MANEA: variants seen among roughly 807,000 people sequenced by gnomAD.
MANEA encodes glycoprotein endo-alpha-1,2-mannosidase.
MANEA carries 25 observed loss-of-function variants against 36.8 expected under a neutral mutation model. That is an observed-to-expected ratio of 0.68 (90% confidence interval 0.50 to 0.95). The LOEUF (loss-of-function observed/expected upper bound fraction) is 0.95, where lower values mean the gene tolerates loss of function less well. Ranked by LOEUF, MANEA falls within the 40% of genes least tolerant of loss-of-function variation. The probability of loss-of-function intolerance (pLI) is 0.00; values close to 1 mark genes in which losing one functional copy is unlikely to be tolerated. For missense variants in MANEA, 565 were observed against 558.8 expected (o/e 1.01, Z -0.11); for synonymous variants, 198 against 188.5 (o/e 1.05, Z -0.41).
At chr6:95,578,020 G>A (rs1053228552) in intron 1 of MANEA, among the ~76,000 whole-genome samples, 3 of 152,138 alleles carry the variant, frequency 2.0e-5, no homozygotes, top group African/African-American at 7.2e-5. Flanking sequence ...GCCTTTTTCA[G>A]CACCTTCTCC....
rs1769720081 is a variant in MANEA at position 95,606,606 on chromosome 6, A to G, written c.*201A>G. On this transcript the variant is annotated 3_prime_UTR_variant, in exon 5 of 5. Coordinates refer to ENST00000358812, the MANE Select transcript of MANEA (RefSeq NM_024641.4). Reference sequence around the variant, plus strand: ...TGAGAAAATATCTGAGACAAAATGTATACAAATATATTCCTTATGGCATAA... The same window carrying G: ...TGAGAAAATATCTGAGACAAAATGTGTACAAATATATTCCTTATGGCATAA... The G allele has an allele frequency of 6.6e-6, 2 of 301,570 alleles. No homozygotes were observed. The highest frequency in any genetic ancestry group is 2.2e-5 in the African/African-American group (1 of 46,120). 18.7% of individuals were successfully genotyped at this position (301,570 alleles called of 1,614,324 possible).
At chr6:95,585,011 G>T (rs1769254660) in intron 1 of MANEA, among the ~76,000 whole-genome samples, 1 of 152,060 alleles carries the variant, frequency 6.6e-6, no homozygotes, top group South Asian at 2.1e-4. Context: ...CCGTATCATA[G>T]AACTCATTTT....
chr6:95,586,694 TTCCAAAGCC>T lies in MANEA; in HGVS notation c.258_266del (p.Lys87_Ser89del). ...AAAGTGTTGAAATCACTATGAAACC[TTCCAAAGCC>T]TCTGAACTTAACTTGGATGAACTAC... On this transcript the variant is annotated inframe_deletion, in exon 2 of 5. Coordinates refer to ENST00000358812, the MANE Select transcript of MANEA (RefSeq NM_024641.4). 6.2e-7 allele frequency: 1 copy of T among 1,614,046 alleles called. No individual in the cohort carries two copies.
chr6:95,580,534 G>A (rs559575279), intron 1 of MANEA, among the ~76,000 whole-genome samples: 6 of 151,990 alleles, frequency 3.9e-5, no homozygotes, highest in African/African-American at 1.4e-4. Flanking sequence ...GACCATCCTG[G>A]CTAACACGGT....
intron 3 of MANEA, among the ~76,000 whole-genome samples, chr6:95,599,197 T>C (rs145150160): frequency 1.3e-5 from 2 of 152,310 alleles, no homozygotes; most frequent in African/African-American, 4.8e-5. Context: ...TCATTGTTAA[T>C]GAAGTCCTTA....
In MANEA at chr6:95,596,748, C is replaced by T. The variant is rs1314631618; in HGVS notation, c.556C>T (p.Leu186Phe). 5.0e-6 allele frequency: 8 copies of T among 1,588,708 alleles called. No individual in the cohort carries two copies. The highest frequency in any genetic ancestry group is 6.9e-6 in the Non-Finnish European group (8 of 1,157,612). ...MRSASIGVLA[L>F]SWYPPDVNDE... The stretch of plus-strand genomic sequence containing the variant: ...GTCTTTTCTATTAGGTGTACTAGCC[C>T]TCTCTTGGTACCCACCTGATGTAAA... Residue 186 changes from leucine (L) to phenylalanine (F), a missense_variant, in exon 3 of 5, where the codon CTC becomes TTC. Physicochemically the swap from Leu to Phe is conservative, Grantham distance 22 (BLOSUM62 0). Coordinates refer to ENST00000358812, the MANE Select transcript of MANEA (RefSeq NM_024641.4).
At chr6:95,583,137 C>A (rs1197579148) in intron 1 of MANEA, among the ~76,000 whole-genome samples, 2 of 152,128 alleles carry the variant, frequency 1.3e-5, no homozygotes, top group Non-Finnish European at 2.9e-5. Flanking sequence ...AAAACAAAAT[C>A]TCCAGACCTG....
At chr6:95,590,771 T>C (rs72926360) in intron 2 of MANEA, among the ~76,000 whole-genome samples, 7,466 of 152,248 alleles carry the variant, frequency 0.049, 234 homozygotes, top group Middle Eastern at 0.068. Context: ...TACTTGCAAA[T>C]AATATATACT....
chr6:95,577,751 G>T (rs980249229), intron 1 of MANEA, 113 bp downstream of exon 1: 2 of 152,268 alleles, frequency 1.3e-5, no homozygotes, highest in African/African-American at 4.8e-5. Flanking sequence ...TCTGGTGGCC[G>T]CTTTCCTCCG....
rs1374042443 is a variant in MANEA, at chr6:95,586,642, A to C, written c.203A>C (p.Asn68Thr). ...NFDFQKSDRINSETNTKNLKS... is the reference protein window; with the variant it reads ...NFDFQKSDRITSETNTKNLKS... ...GATTTCCAAAAGAGTGACAGAATCA[A>C]CAGTGAAACAAATACCAAGAATTTA... Residue 68 changes from asparagine (N) to threonine (T), a missense_variant, in exon 2 of 5, where the codon AAC (asparagine) becomes ACC (threonine). By Grantham distance (65) the Asn-to-Thr change is moderately conservative. Transcript: ENST00000358812. 6.2e-7 allele frequency: 1 copy of C among 1,613,924 alleles called. No individual in the cohort carries two copies. The highest frequency in any genetic ancestry group is 2.2e-5 in the East Asian group (1 of 44,860).
chr6:95,602,786 C>T lies in MANEA; in HGVS notation c.655-2041C>T, dbSNP rs905378392. On this transcript the variant is annotated intron_variant, in intron 3 of 4. Coordinates refer to ENST00000358812, the MANE Select transcript of MANEA (RefSeq NM_024641.4). ...CTGTAATCCCAGCACTTTGGGAGGC[C>T]GAGGCGGGTGGATCATGAGGTCAGG... 1.0e-4 allele frequency among the ~76,000 whole-genome samples: 15 copies of T among 149,708 alleles called. 1 individual carries two copies. In the East Asian group the frequency reaches 1.8e-3, roughly 18 times the overall value.
intron 2 of MANEA, among the ~76,000 whole-genome samples, chr6:95,592,564 C>T (rs1490882334): frequency 1.3e-5 from 2 of 151,998 alleles, no homozygotes; most frequent in East Asian, 3.9e-4. Context: ...TCTCTTAAAG[C>T]TTTAGTTTGA....
rs139275538 is a variant in MANEA at position 95,606,353 on chromosome 6, A to T, written c.1337A>T (p.Tyr446Phe). Residue 446 changes from tyrosine to phenylalanine, a missense_variant, in exon 5 of 5, where the codon TAC becomes TTC. Coordinates refer to ENST00000358812, the MANE Select transcript of MANEA (RefSeq NM_024641.4). ...LELTRKWSEK[Y>F]SKERATYALD... ...CTGACTCGCAAGTGGTCTGAAAAAT[A>T]CAGTAAGGAAAGAGCAACTTATGCA... 1.2e-6 allele frequency: 2 copies of T among 1,605,986 alleles called. No individual in the cohort carries two copies. The highest frequency in any genetic ancestry group is 2.7e-5 in the African/African-American group (2 of 74,902).
chr6:95,605,873 G>T lies in MANEA; in HGVS notation c.857G>T (p.Gly286Val). The T allele has an allele frequency of 2.5e-6, 4 of 1,613,820 alleles. No homozygotes were observed. Among genetic ancestry groups the T allele is most frequent in the Non-Finnish European group, 3.4e-6 (4 of 1,179,934 alleles). Reference sequence around the variant, plus strand: ...TGGGCCAATCTGTTAACCACCTCAGGGTCTCGGAGTATTCGCAATTCTCCT... The same window carrying T: ...TGGGCCAATCTGTTAACCACCTCAGTGTCTCGGAGTATTCGCAATTCTCCT... ...EKWANLLTTS[G>V]SRSIRNSPYD... Residue 286 changes from glycine to valine, a missense_variant, in exon 5 of 5, where the codon GGG becomes GTG. Transcript: ENST00000358812.
chr6:95,603,536 G>T (rs1283235994), intron 3 of MANEA, among the ~76,000 whole-genome samples: 1 of 151,652 alleles, frequency 6.6e-6, no homozygotes, highest in Non-Finnish European at 1.5e-5. Context: ...ATTTAAAGTA[G>T]AAAATTATAT....
chr6:95,595,966 G>C (rs547080810), intron 2 of MANEA, among the ~76,000 whole-genome samples: 1 of 152,192 alleles, frequency 6.6e-6, no homozygotes, highest in East Asian at 1.9e-4. Flanking sequence ...TCCTTCATTA[G>C]GTGAATGTAT....
At chr6:95,603,863 T>C (rs1769645560) in intron 3 of MANEA, among the ~76,000 whole-genome samples, 2 of 152,216 alleles carry the variant, frequency 1.3e-5, no homozygotes, top group South Asian at 2.1e-4. Flanking sequence ...ATCTTCTGTA[T>C]TTTTTACCTT....
intron 2 of MANEA, chr6:95,587,444 A>T (rs1363233656): frequency 1.2e-5 from 2 of 162,802 alleles, no homozygotes; most frequent in Admixed American, 6.1e-5. Context: ...CTGTATACAT[A>T]TCAGCTGGAT....
intron 2 of MANEA, among the ~76,000 whole-genome samples, chr6:95,591,404 CTTCT>C (rs1198666128): frequency 6.6e-6 from 1 of 151,250 alleles, no homozygotes; most frequent in Non-Finnish European, 1.5e-5. Flanking sequence ...TTCTTTTTTT[CTTCT>C]TTTTCTTCAG....
Sources: allele counts gnomAD v4.1 joint callset (sites outside exome capture counted in the v4.1 genomes callset), GRCh38; gene constraint gnomAD v4.1.1; transcripts MANE v1.5; gene names NCBI Gene and HGNC (gene_info 2026-07-23, HGNC 2026-07-21).